SLC39A9: variants seen among roughly 807,000 people sequenced by gnomAD.
The protein encoded by SLC39A9 is zinc transporter ZIP9.
In SLC39A9, 14 loss-of-function variants were observed where a neutral mutation model predicts 28.4. That is an observed-to-expected ratio of 0.49 (90% CI 0.33 to 0.77). The LOEUF (loss-of-function observed/expected upper bound fraction) is 0.77, where lower values mean the gene tolerates loss of function less well. SLC39A9 is among the 30% of genes least tolerant of loss of function. The probability of loss-of-function intolerance (pLI) is 0.02; values close to 1 mark genes in which losing one functional copy is unlikely to be tolerated. For synonymous variants in SLC39A9, 119 were observed against 149.6 expected (o/e 0.80, Z 1.49); for missense variants, 283 against 381.1 (o/e 0.74, Z 2.14).
intron 3 of SLC39A9, among the ~76,000 whole-genome samples, chr14:69,442,580 T>G (rs1885100162): frequency 6.6e-6 from 1 of 152,240 alleles, no homozygotes; most frequent in Admixed American, 6.5e-5. Flanking sequence ...GGACCTTTTA[T>G]TGGAATATTG....
At chr14:69,415,803 A>T (rs1427513555) in intron 1 of SLC39A9, among the ~76,000 whole-genome samples, 4 of 152,216 alleles carry the variant, frequency 2.6e-5, no homozygotes, top group African/African-American at 9.7e-5. Context: ...GCTAAAAAAA[A>T]CTATTTTCCC....
At chr14:69,435,145 T>C (rs1359929761) in intron 2 of SLC39A9, among the ~76,000 whole-genome samples, 1 of 152,250 alleles carries the variant, frequency 6.6e-6, no homozygotes, top group Non-Finnish European at 1.5e-5. Context: ...GACAGGAGTA[T>C]TGAAGTCTTC....
rs970929991 is a variant in SLC39A9, at chr14:69,398,810, CTT to C, written c.-558_-557del. Reference sequence around the variant, plus strand: ...TAGGGCAGAGACAGCTTTGTGTCAACTTTGCTGCTGAACCCCTAGGACCCATC... The same window carrying C: ...TAGGGCAGAGACAGCTTTGTGTCAACTGCTGCTGAACCCCTAGGACCCATC... On this transcript the variant is annotated 5_prime_UTR_variant, in exon 1 of 7. An upstream open reading frame in the 5' UTR loses its in-frame stop. Coordinates refer to ENST00000336643, the MANE Select transcript of SLC39A9 (RefSeq NM_018375.5). The C allele has an allele frequency of 5.4e-6, 1 of 185,834 alleles. No individual in the cohort carries two copies. The highest frequency in any genetic ancestry group is 2.4e-5 in the African/African-American group (1 of 41,686). The allele number at this position is 185,834 out of a possible 1,614,324, so 11.5% of individuals were successfully genotyped here.
rs551592990 is a variant in SLC39A9 at position 69,408,875 on chromosome 14, A to G, written c.96+9410A>G. Among the ~76,000 whole-genome samples the G allele has an allele frequency of 2.6e-5, 4 of 152,258 alleles. No homozygotes were observed. The East Asian group carries it at 7.7e-4, about 29-fold the overall frequency. ...TGTTTAGAATCACTTAGTAGAGGGG[A>G]AAACATCTCTATGTTCACATTAAAG... On this transcript the variant is annotated intron_variant, in intron 1 of 6. Coordinates refer to ENST00000336643, the MANE Select transcript of SLC39A9 (RefSeq NM_018375.5).
At chr14:69,406,560 C>T (rs548330932) in intron 1 of SLC39A9, among the ~76,000 whole-genome samples, 1 of 151,894 alleles carries the variant, frequency 6.6e-6, no homozygotes, top group Non-Finnish European at 1.5e-5. Context: ...CAGTGGCTCA[C>T]GCCTGTAATC....
chr14:69,460,781 T>C lies in SLC39A9; in HGVS notation c.*2188T>C. 1 of 985,472 alleles carries C rather than the reference T, an allele frequency of 1.0e-6. No individual in the cohort carries two copies. Among genetic ancestry groups the C allele is most frequent in the Non-Finnish European group, 1.2e-6 (1 of 829,948 alleles). The allele number at this position is 985,472 out of a possible 1,614,324, so 61.0% of individuals were successfully genotyped here. A position where few individuals can be genotyped will look rare whatever the true frequency, so the allele number is the denominator to read the frequency against. On this transcript the variant is annotated 3_prime_UTR_variant, in exon 7 of 7. Coordinates refer to ENST00000336643, the MANE Select transcript of SLC39A9 (RefSeq NM_018375.5). Reference sequence around the variant, plus strand: ...AACAAGCAAACCTTTCAGGGCCCTCTTAGCTCTCAGAAGCTATGTATGGGC... The same window carrying C: ...AACAAGCAAACCTTTCAGGGCCCTCCTAGCTCTCAGAAGCTATGTATGGGC...
At position 69,455,713 on chromosome 14, in the gene SLC39A9, G is replaced by T. The variant is rs1444772713; in HGVS notation, c.559-19G>T. 2 of 1,613,926 alleles carry T rather than the reference G, an allele frequency of 1.2e-6. No individual in the cohort carries two copies. The highest frequency in any genetic ancestry group is 3.3e-5 in the Admixed American group (2 of 59,978). ...CCATACTTCTAGAATGATAATAAGA[G>T]ATGATTTTTTATTTCCAGGCACCAG... On this transcript the variant is annotated intron_variant, in intron 5 of 6. Transcript: ENST00000336643.
chr14:69,426,079 A>G (rs1884173234), intron 2 of SLC39A9, among the ~76,000 whole-genome samples: 1 of 152,210 alleles, frequency 6.6e-6, no homozygotes, highest in South Asian at 2.1e-4. Flanking sequence ...TAAACACAGA[A>G]GAAAAACTTC....
chr14:69,423,157 A>T (rs1312642982), intron 1 of SLC39A9, among the ~76,000 whole-genome samples: 1 of 152,182 alleles, frequency 6.6e-6, no homozygotes. Context: ...GTTTAATATA[A>T]CTTGTTCTAC....
intron 2 of SLC39A9, among the ~76,000 whole-genome samples, chr14:69,432,125 G>A (rs1405918007): frequency 1.3e-5 from 2 of 152,100 alleles, no homozygotes; most frequent in African/African-American, 2.4e-5. Context: ...TAAATTCTTC[G>A]AGAAATCTCC....
At chr14:69,400,800 T>G (rs1882588581) in intron 1 of SLC39A9, among the ~76,000 whole-genome samples, 1 of 152,076 alleles carries the variant, frequency 6.6e-6, no homozygotes. Context: ...CTTTTTAATC[T>G]GTACCCCTCA....
intron 1 of SLC39A9, among the ~76,000 whole-genome samples, chr14:69,407,518 G>A (rs547716974): frequency 6.6e-6 from 1 of 151,812 alleles, no homozygotes; most frequent in South Asian, 2.1e-4. Context: ...TGTATTTTTA[G>A]TTAGAGACAG....
chr14:69,412,000 C>T (rs1369347666), intron 1 of SLC39A9, among the ~76,000 whole-genome samples: 1 of 151,852 alleles, frequency 6.6e-6, no homozygotes, highest in Non-Finnish European at 1.5e-5. Context: ...CTAGGATTAT[C>T]TCGATCTCTT....
At chr14:69,414,846 C>T (rs938460503) in intron 1 of SLC39A9, among the ~76,000 whole-genome samples, 7 of 152,202 alleles carry the variant, frequency 4.6e-5, no homozygotes, top group African/African-American at 1.2e-4. Context: ...TGATTTCAAT[C>T]TTTATAGATT....
Position 69,459,617 on chromosome 14 carries a change from C to A in SLC39A9, c.*1024C>A. On this transcript the variant is annotated 3_prime_UTR_variant, in exon 7 of 7. Coordinates refer to ENST00000336643, the MANE Select transcript of SLC39A9 (RefSeq NM_018375.5). ...AGCAATCCCTCTAGGGACCTAAATA[C>A]TAGGTCAGCTTTGGCGACACTGTGT... 1 of 969,218 alleles carries A rather than the reference C, an allele frequency of 1.0e-6. No homozygotes were observed. The highest frequency in any genetic ancestry group is 1.2e-6 in the Non-Finnish European group (1 of 817,562). The allele number at this position is 969,218 out of a possible 1,614,324, so 60.0% of individuals were successfully genotyped here. A position where few individuals can be genotyped will look rare whatever the true frequency, so the allele number is the denominator to read the frequency against.
intron 1 of SLC39A9, among the ~76,000 whole-genome samples, chr14:69,404,914 C>T (rs1459451740): frequency 2.0e-5 from 3 of 152,094 alleles, no homozygotes; most frequent in Non-Finnish European, 4.4e-5. Flanking sequence ...AATTTATAAA[C>T]GAAAGAGGTT....
intron 1 of SLC39A9, among the ~76,000 whole-genome samples, chr14:69,404,207 T>C (rs1036777859): frequency 2.6e-5 from 4 of 152,168 alleles, no homozygotes; most frequent in African/African-American, 9.6e-5. Context: ...ACTGGCAACA[T>C]AAGGAGACCT....
intron 3 of SLC39A9, among the ~76,000 whole-genome samples, chr14:69,448,591 A>G (rs1337570221): frequency 6.6e-6 from 1 of 152,236 alleles, no homozygotes. Flanking sequence ...TGGCAATGTC[A>G]TAAAAGTCAA....
intron 1 of SLC39A9, among the ~76,000 whole-genome samples, chr14:69,418,953 A>G (rs944275610): frequency 2.6e-5 from 4 of 152,182 alleles, no homozygotes; most frequent in African/African-American, 9.7e-5. Context: ...TCAAAAAACC[A>G]GCTCCTGGAT....
Sources: gnomAD v4.1 joint callset for allele counts (sites outside exome capture counted in the v4.1 genomes callset) on GRCh38, gnomAD v4.1.1 for gene constraint, MANE v1.5 for transcripts, NCBI Gene and HGNC (gene_info 2026-07-23, HGNC 2026-07-21) for gene names.